Variants in CDYL2 observed in about 807,000 individuals in gnomAD.
The protein encoded by CDYL2 is chromodomain Y like 2.
A neutral mutation model predicts 49.4 loss-of-function variants in CDYL2; 23 were observed. The observed-to-expected ratio is 0.47, with a 90% CI of 0.34 to 0.66. The LOEUF (loss-of-function observed/expected upper bound fraction) is 0.66. Ranked by LOEUF, CDYL2 falls within the 30% of genes least tolerant of loss-of-function variation. The pLI, the probability that CDYL2 is intolerant of heterozygous loss-of-function variation, is 0.01. For missense variants in CDYL2, 678 were observed against 656.4 expected, an observed-to-expected ratio of 1.03 and a Z score of -0.36; for synonymous variants, 360 against 268.8, an observed-to-expected ratio of 1.34 and a Z score of -3.32.
intron 1 of CDYL2, among the ~76,000 whole-genome samples, chr16:80,786,543 G>A (rs1567606509): frequency 1.3e-5 from 2 of 152,178 alleles, no homozygotes; most frequent in African/African-American, 4.8e-5. Flanking sequence ...AACCATTGTG[G>A]AAGACAGTGT....
Position 80,767,763 on chromosome 16 carries a change from A to G in CDYL2, c.24+36387T>C, listed in dbSNP as rs79253358. Among the ~76,000 whole-genome samples, 1,296 of 152,270 alleles carry G rather than the reference A, an allele frequency of 8.5e-3. 21 individuals are homozygous for G. Among genetic ancestry groups the G allele is most frequent in the African/African-American group, 0.029 (1,220 of 41,566 alleles). The stretch of plus-strand genomic sequence containing the variant: ...TTGTGGCAGAGTAGTCATTCTGCCA[A>G]TATTCACTGGGTGCCTACTATATGC... On this transcript the variant is annotated intron_variant, in intron 1 of 6. Coordinates refer to ENST00000570137, the MANE Select transcript of CDYL2 (RefSeq NM_152342.4).
chr16:80,638,170 G>C (rs1409190574), intron 2 of CDYL2, among the ~76,000 whole-genome samples: 1 of 151,950 alleles, frequency 6.6e-6, no homozygotes, highest in Admixed American at 6.6e-5. Context: ...AACCTCCTAG[G>C]CTCAAACTAT....
intron 2 of CDYL2, among the ~76,000 whole-genome samples, chr16:80,671,127 C>A (rs1178200113): frequency 1.3e-5 from 2 of 152,112 alleles, no homozygotes; most frequent in African/African-American, 4.8e-5. Context: ...TGGAGTCACC[C>A]ACACCCTGGG....
intron 2 of CDYL2, among the ~76,000 whole-genome samples, chr16:80,634,261 G>A (rs1907712467): frequency 6.6e-6 from 1 of 152,182 alleles, no homozygotes; most frequent in South Asian, 2.1e-4. Flanking sequence ...GTCCATCAGT[G>A]ATAGACTGGA....
At chr16:80,605,952 G>C (rs763581876) in intron 6 of CDYL2, among the ~76,000 whole-genome samples, 3 of 152,226 alleles carry the variant, frequency 2.0e-5, no homozygotes, top group Non-Finnish European at 4.4e-5. Flanking sequence ...GAGGGAGCAG[G>C]AAAACCTGGT....
intron 1 of CDYL2, among the ~76,000 whole-genome samples, chr16:80,688,561 C>G (rs1910290180): frequency 1.3e-5 from 2 of 152,254 alleles, no homozygotes; most frequent in South Asian, 2.1e-4. Flanking sequence ...CAAACAAACA[C>G]AAGGTTTTTG....
chr16:80,802,200 T>C (rs191792914), intron 1 of CDYL2, among the ~76,000 whole-genome samples: 643 of 152,326 alleles, frequency 4.2e-3, no homozygotes, highest in South Asian at 0.013. Context: ...AGAAGGTTCA[T>C]AAGTTCTAAA....
At chr16:80,619,154 C>G (rs575649218) in intron 4 of CDYL2, among the ~76,000 whole-genome samples, 1 of 152,278 alleles carries the variant, frequency 6.6e-6, no homozygotes, top group South Asian at 2.1e-4. Context: ...ATTACCTTCT[C>G]CTGTCTCTGT....
intron 1 of CDYL2, among the ~76,000 whole-genome samples, chr16:80,711,526 C>G (rs1223858919): frequency 6.6e-6 from 1 of 152,196 alleles, no homozygotes; most frequent in East Asian, 1.9e-4. Flanking sequence ...CTCCTCTGAA[C>G]ACGCAGGATG....
chr16:80,702,962 C>T (rs1227022970), intron 1 of CDYL2, among the ~76,000 whole-genome samples: 5 of 152,064 alleles, frequency 3.3e-5, no homozygotes, highest in Non-Finnish European at 4.4e-5. Flanking sequence ...CTTTAAGCCA[C>T]TAAGTCCATA....
intron 1 of CDYL2, among the ~76,000 whole-genome samples, chr16:80,755,872 G>C (rs990166808): frequency 6.6e-6 from 1 of 152,166 alleles, no homozygotes; most frequent in African/African-American, 2.4e-5. Flanking sequence ...TAATACATGG[G>C]AACTCTGTAC....
chr16:80,737,387 C>G (rs1408536082), intron 1 of CDYL2, among the ~76,000 whole-genome samples: 3 of 152,154 alleles, frequency 2.0e-5, no homozygotes, highest in Non-Finnish European at 4.4e-5. Flanking sequence ...ATCATTATCC[C>G]TATTTTGCAG....
In CDYL2 at chr16:80,604,414, G is replaced by A. The variant is rs762593616; in HGVS notation, c.1495C>T (p.Leu499=). The change falls in exon 7 of 7, where the codon CTG becomes TTG. Residue 499 remains leucine (L), a synonymous_variant. Coordinates refer to ENST00000570137, the MANE Select transcript of CDYL2 (RefSeq NM_152342.4). ...SKGLDSLFSY[L]QDKIYEV is the part of the protein sequence containing the mutation. ...CAGACTTCATAAATTTTGTCCTGCA[G>A]GTAGCTGAAAAGGGAGTCAAGGCCT... 4 of 1,614,198 alleles carry A rather than the reference G, an allele frequency of 2.5e-6. No individual in the cohort carries two copies. Among genetic ancestry groups the A allele is most frequent in the Admixed American group, 1.7e-5 (1 of 60,034 alleles).
chr16:80,724,654 A>C (rs930753692), intron 1 of CDYL2, among the ~76,000 whole-genome samples: 4 of 152,224 alleles, frequency 2.6e-5, no homozygotes, highest in Non-Finnish European at 4.4e-5. Flanking sequence ...ACATACATAT[A>C]CACACATGCA....
chr16:80,621,553 C>A (rs375782340), intron 3 of CDYL2, among the ~76,000 whole-genome samples: 19 of 152,172 alleles, frequency 1.2e-4, no homozygotes, highest in East Asian at 1.2e-3. Context: ...CCTCAATGTC[C>A]CCATCTATAA....
At chr16:80,764,761 G>T (rs1165431967) in intron 1 of CDYL2, among the ~76,000 whole-genome samples, 1 of 151,932 alleles carries the variant, frequency 6.6e-6, no homozygotes, top group African/African-American at 2.4e-5. Context: ...ATATGGAATA[G>T]AAAGAATTTA....
intron 4 of CDYL2, among the ~76,000 whole-genome samples, chr16:80,619,379 G>A (rs75287489): frequency 0.012 from 1,774 of 152,306 alleles, 9 homozygotes; most frequent in Non-Finnish European, 0.019. Flanking sequence ...TGAGCTGCTC[G>A]TGCATGGAGT....
At chr16:80,751,532 T>C (rs1452938739) in intron 1 of CDYL2, among the ~76,000 whole-genome samples, 4 of 152,174 alleles carry the variant, frequency 2.6e-5, no homozygotes, top group African/African-American at 9.7e-5. Flanking sequence ...AGCAAGAGCC[T>C]ATCAAGGCAA....
intron 2 of CDYL2, among the ~76,000 whole-genome samples, chr16:80,681,980 C>A (rs1017481351): frequency 2.0e-5 from 3 of 152,176 alleles, no homozygotes; most frequent in Non-Finnish European, 4.4e-5. Context: ...AGGTCCCACC[C>A]CCCACACATT....
Sources: gnomAD v4.1 joint callset for allele counts (sites outside exome capture counted in the v4.1 genomes callset) on GRCh38, gnomAD v4.1.1 for gene constraint, MANE v1.5 for transcripts, NCBI Gene and HGNC (gene_info 2026-07-23, HGNC 2026-07-21) for gene names.